ANAPC11: variants seen among roughly 807,000 people sequenced by gnomAD.
ANAPC11 encodes anaphase promoting complex subunit 11.
ANAPC11 carries 5 observed loss-of-function variants against 11.8 expected under a neutral mutation model. The ratio of observed to expected loss-of-function variants is 0.42; its 90% CI spans 0.22 to 0.89. The LOEUF (loss-of-function observed/expected upper bound fraction) is 0.89, where lower values mean the gene tolerates loss of function less well. ANAPC11 is among the 40% of genes least tolerant of loss of function. The pLI is 0.28. For synonymous variants in ANAPC11, 45 were observed against 41.0 expected, an observed-to-expected ratio of 1.10 and a Z score of -0.38; for missense variants, 68 against 112.9, an observed-to-expected ratio of 0.60 and a Z score of 1.80.
chr17:81,891,384 G>A, upstream of ANAPC11: 3 of 1,122,994 alleles, frequency 2.7e-6, no homozygotes, highest in Admixed American at 4.8e-5. Flanking sequence ...GGCGATGGCC[G>A]GCCGGTTCCG....
upstream of ANAPC11, chr17:81,891,240 C>G: frequency 9.4e-7 from 1 of 1,061,204 alleles, no homozygotes; most frequent in Non-Finnish European, 1.1e-6. Context: ...ACCCGCCGGC[C>G]CGGGTCTCCG....
chr17:81,891,494 G>T, upstream of ANAPC11: 1 of 1,257,720 alleles, frequency 8.0e-7, no homozygotes, highest in Non-Finnish European at 1.0e-6. Flanking sequence ...CCCCGCCCCG[G>T]CCGCCTCGCT....
At chr17:81,896,663 G>C (rs1338759117) in intron 3 of ANAPC11, among the ~76,000 whole-genome samples, 19 of 152,058 alleles carry the variant, frequency 1.2e-4, no homozygotes, top group Admixed American at 1.2e-3. Flanking sequence ...TATTTTTGTA[G>C]GGCCAGGTGC....
intron 3 of ANAPC11, 80 bp downstream of exon 3, chr17:81,894,666 C>A: frequency 1.2e-6 from 1 of 816,416 alleles, no homozygotes; most frequent in Non-Finnish European, 1.9e-6. Flanking sequence ...GCTGGACTAG[C>A]CTCAGTAGCT....
At chr17:81,892,976 G>C (rs2039599343) in intron 1 of ANAPC11, 1 of 151,220 alleles carries the variant, frequency 6.6e-6, no homozygotes, top group South Asian at 2.1e-4. Context: ...TCCCACGTCA[G>C]CCTCTCAGGC....
chr17:81,897,543 C>T (rs2039786883), intron 3 of ANAPC11, among the ~76,000 whole-genome samples: 1 of 152,092 alleles, frequency 6.6e-6, no homozygotes, highest in South Asian at 2.1e-4. Context: ...GTGGCAAAAT[C>T]ATAGCTCACT....
At chr17:81,895,050 CTTTTTTTTTTT>C (rs766422017) in intron 3 of ANAPC11, among the ~76,000 whole-genome samples, 3 of 85,070 alleles carry the variant, frequency 3.5e-5, no homozygotes, top group Non-Finnish European at 6.9e-5. Context: ...TCTTTCTTTT[CTTTTTTTTTTT>C]TTTTTTTTTT....
intron 3 of ANAPC11, chr17:81,899,587 A>T (rs2039869365): frequency 5.1e-6 from 8 of 1,581,270 alleles, no homozygotes; most frequent in South Asian, 4.6e-5. Context: ...CAGGGGACAC[A>T]GGGTGGGCTA....
chr17:81,891,040 C>T (rs1202846776), upstream of ANAPC11: 19 of 729,100 alleles, frequency 2.6e-5, no homozygotes, highest in Middle Eastern at 1.2e-3. Context: ...CTTCCCGCCG[C>T]CTGTGCCGCG....
At chr17:81,899,607 G>T in intron 3 of ANAPC11, 1 of 1,528,172 alleles carries the variant, frequency 6.5e-7, no homozygotes, top group Non-Finnish European at 8.9e-7. Flanking sequence ...AGGCCAGAGC[G>T]CCACCTCCTC....
intron 3 of ANAPC11, chr17:81,899,171 C>T: frequency 6.7e-7 from 1 of 1,488,168 alleles, no homozygotes; most frequent in Non-Finnish European, 9.1e-7. Context: ...CAGGGGTTTC[C>T]AGGCTCTTGG....
upstream of ANAPC11, chr17:81,891,608 G>A (rs770618923): frequency 2.2e-6 from 3 of 1,376,210 alleles, no homozygotes; most frequent in Non-Finnish European, 9.5e-7. Flanking sequence ...TCAGCACGCC[G>A]GCACGTCACT....
At chr17:81,891,347 C>A, upstream of ANAPC11, 3 of 1,160,374 alleles carry the variant, frequency 2.6e-6, no homozygotes, top group Non-Finnish European at 3.2e-6. Context: ...CCGGTCGGTT[C>A]CTGCCGCCTC....
At chr17:81,899,016 C>T (rs1304956515) in intron 3 of ANAPC11, 10 of 595,886 alleles carry the variant, frequency 1.7e-5, no homozygotes, top group Non-Finnish European at 2.4e-5. Context: ...GGCAGGTCCT[C>T]CCAGGGCTGG....
In ANAPC11 at chr17:81,896,742, A is replaced by G. The variant is rs182892615; in HGVS notation, c.109+2156A>G. ...GGACGTGAACTCCTGGGCTCCAGCC[A>G]TCCTACTGTCTCAGCCTCCCAAGTA... On this transcript the variant is annotated intron_variant, in intron 3 of 3. Transcript: ENST00000344877. Among the ~76,000 whole-genome samples, 12 of 146,538 alleles carry G rather than the reference A, an allele frequency of 8.2e-5. No homozygotes were observed. In the East Asian group the frequency reaches 2.4e-3, roughly 30 times the overall value.
At chr17:81,899,149 G>A in intron 3 of ANAPC11, 1 of 1,317,398 alleles carries the variant, frequency 7.6e-7, no homozygotes, top group Non-Finnish European at 1.0e-6. Flanking sequence ...TCTGTTGGCA[G>A]CAGCTGTTCC....
downstream of ANAPC11, chr17:81,900,395 G>C (rs2039901281): frequency 1.8e-5 from 7 of 391,574 alleles, no homozygotes; most frequent in South Asian, 1.8e-4. Context: ...GGAGGAGAAG[G>C]AGCAGGATCA....
In ANAPC11 at chr17:81,891,723, G is replaced by A. The variant is rs887111726; in HGVS notation, c.-193G>A. 9.9e-6 allele frequency: 7 copies of A among 705,350 alleles called. No individual in the cohort carries two copies. The East Asian group carries it at 1.9e-4, about 19-fold the overall frequency. 43.7% of individuals were successfully genotyped at this position (705,350 alleles called of 1,614,324 possible). A position where few individuals can be genotyped will look rare whatever the true frequency, so the allele number is the denominator to read the frequency against. ...GGGACGGGGTGAGGCGGGGAGGCGC[G>A]TGCGCACTGGCGTGCGAGACTCGGC... On this transcript the variant is annotated 5_prime_UTR_variant, in exon 1 of 4. It adds an upstream start codon to the 5' untranslated region. Transcript: ENST00000344877.
upstream of ANAPC11, chr17:81,891,413 A>G (rs1336764085): frequency 2.9e-6 from 3 of 1,039,696 alleles, no homozygotes; most frequent in Non-Finnish European, 3.5e-6. Context: ...CGCCGCCTCG[A>G]TTCACTCGCG....
Sources: allele counts gnomAD v4.1 joint callset (sites outside exome capture counted in the v4.1 genomes callset), GRCh38; gene constraint gnomAD v4.1.1; transcripts MANE v1.5; gene names NCBI Gene and HGNC (gene_info 2026-07-23, HGNC 2026-07-21).